ASPH: variants seen among roughly 807,000 people sequenced by gnomAD.
ASPH encodes aspartate beta-hydroxylase, also known as aspartyl/asparaginyl beta-hydroxylase.
A neutral mutation model predicts 118.4 loss-of-function variants in ASPH; 100 were observed. The ratio of observed to expected loss-of-function variants is 0.84; its 90% CI spans 0.72 to 1.00. The LOEUF is 1.00. Ranked by LOEUF, ASPH falls within the 50% of genes least tolerant of loss-of-function variation. The pLI, the probability that ASPH is intolerant of heterozygous loss-of-function variation, is 0.00. For missense variants in ASPH, 920 were observed against 919.5 expected (o/e 1.00, Z -0.01); for synonymous variants, 315 against 325.6 (o/e 0.97, Z 0.35).
chr8:61,625,679 A>C (rs1588264241), intron 13 of ASPH: 1 of 984,912 alleles, frequency 1.0e-6, no homozygotes, highest in Non-Finnish European at 1.2e-6. Flanking sequence ...AGCTACAAAA[A>C]TTTCAAAAGT....
At chr8:61,618,945 A>G in intron 14 of ASPH, 33 bp downstream of exon 14, 1 of 1,541,138 alleles carries the variant, frequency 6.5e-7, no homozygotes. Flanking sequence ...TTCCCCATGT[A>G]TATTTTAAAG....
chr8:61,504,361 C>T (rs1306564769), intron 24 of ASPH, among the ~76,000 whole-genome samples: 2 of 152,130 alleles, frequency 1.3e-5, no homozygotes, highest in Non-Finnish European at 2.9e-5. Context: ...TCCTTAGATA[C>T]TAAAATGCCA....
chr8:61,707,259 A>G (rs1318752329), intron 1 of ASPH, among the ~76,000 whole-genome samples: 3 of 152,162 alleles, frequency 2.0e-5, no homozygotes, highest in African/African-American at 7.2e-5. Flanking sequence ...AAATCTACCT[A>G]TCAATACTAC....
chr8:61,575,301 T>C lies in ASPH; in HGVS notation c.1149+1471A>G, dbSNP rs537483183. On this transcript the variant is annotated intron_variant, in intron 16 of 24. Coordinates refer to ENST00000379454, the MANE Select transcript of ASPH (RefSeq NM_004318.4). ...TACTTTATAATGTTCTTTAAGTACA[T>C]ATTTATTTATAAAGACTTTCAGGGC... Among the ~76,000 whole-genome samples, 3 of 152,362 alleles carry C rather than the reference T, an allele frequency of 2.0e-5. No homozygotes were observed. The South Asian group carries it at 6.2e-4, about 32-fold the overall frequency.
chr8:61,602,532 C>T (rs1401601831), intron 14 of ASPH, among the ~76,000 whole-genome samples: 1 of 151,414 alleles, frequency 6.6e-6, no homozygotes, highest in Non-Finnish European at 1.5e-5. Context: ...CTCCTGCCCC[C>T]AAGATCAAGA....
At chr8:61,677,138 C>T (rs995405993) in intron 3 of ASPH, among the ~76,000 whole-genome samples, 11 of 152,108 alleles carry the variant, frequency 7.2e-5, no homozygotes, top group African/African-American at 2.4e-4. Context: ...AATTCCTCTC[C>T]CCATGGGCCT....
intron 10 of ASPH, 114 bp from the exon 11 acceptor site, chr8:61,638,477 C>CAA: frequency 7.6e-6 from 7 of 922,116 alleles, no homozygotes; most frequent in Non-Finnish European, 1.2e-5. Flanking sequence ...CTGCAAGGTT[C>CAA]AGTCACTGGG....
chr8:61,567,814 C>T (rs1832243767), intron 16 of ASPH, among the ~76,000 whole-genome samples: 6 of 152,174 alleles, frequency 3.9e-5, no homozygotes, highest in Non-Finnish European at 7.3e-5. Flanking sequence ...AATAAAGGTA[C>T]TATGTGTCTA....
At position 61,633,842 on chromosome 8, in the gene ASPH, T is replaced by C. The variant is rs7817439; in HGVS notation, c.890-115A>G. On this transcript the variant is annotated intron_variant, in intron 12 of 24. Coordinates refer to ENST00000379454, the MANE Select transcript of ASPH (RefSeq NM_004318.4). ...TTCATAGATTTTTTAAACAATTCAATTGAAATTTTAATAAAAACATTAGGC... is the reference window on the plus strand; with the variant it reads ...TTCATAGATTTTTTAAACAATTCAACTGAAATTTTAATAAAAACATTAGGC... 611 of 705,272 alleles carry C rather than the reference T, an allele frequency of 8.7e-4. 7 individuals are homozygous for C. In the African/African-American group the frequency reaches 0.01, roughly 12 times the overall value. The allele number at this position is 705,272 out of a possible 1,614,324, so 43.7% of individuals were successfully genotyped here. A position where few individuals can be genotyped will look rare whatever the true frequency, so the allele number is the denominator to read the frequency against.
rs1812178966 is a variant in ASPH at position 61,653,579 on chromosome 8, G to A, written c.404C>T (p.Pro135Leu). The A allele has an allele frequency of 6.2e-7, 1 of 1,613,876 alleles. No homozygotes were observed. The highest frequency in any genetic ancestry group is 1.1e-5 in the South Asian group (1 of 91,056). ...EPHTEPEEQVPVEAEPQNIED... is the reference protein window; with the variant it reads ...EPHTEPEEQVLVEAEPQNIED... ...GAGGACAAGCTTACCTGCCTCCACAGGAACCTGCTCCTCGGGCTCAGTGTG... is the reference window on the plus strand; with the variant it reads ...GAGGACAAGCTTACCTGCCTCCACAAGAACCTGCTCCTCGGGCTCAGTGTG... Residue 135 changes from proline to leucine, a missense_variant, in exon 4 of 25, where the codon CCT (proline) becomes CTT (leucine). Coordinates refer to ENST00000379454, the MANE Select transcript of ASPH (RefSeq NM_004318.4).
intron 1 of ASPH, among the ~76,000 whole-genome samples, chr8:61,709,729 T>A (rs1430073101): frequency 6.6e-6 from 1 of 152,212 alleles, no homozygotes; most frequent in African/African-American, 2.4e-5. Flanking sequence ...AGCTGCATAT[T>A]TTCATGATAT....
rs1437608099 is a variant in ASPH, at chr8:61,581,943, C to T, written c.1062+2001G>A. Among the ~76,000 whole-genome samples the T allele has an allele frequency of 3.9e-5, 6 of 152,146 alleles. No individual in the cohort carries two copies. The South Asian group carries it at 8.3e-4, about 21-fold the overall frequency. On this transcript the variant is annotated intron_variant, in intron 15 of 24. Transcript: ENST00000379454. ...TATACTTTTCTGGGGGGATAAAAAG[C>T]GAACACATACTTTCATGTAACATAG...
intron 1 of ASPH, chr8:61,689,752 A>C: frequency 6.5e-7 from 1 of 1,538,398 alleles, no homozygotes; most frequent in East Asian, 2.4e-5. Context: ...AAAAAACTCA[A>C]AAGTACTGCT....
intron 21 of ASPH, among the ~76,000 whole-genome samples, chr8:61,536,037 CTTTTTTTTTT>C (rs34022613): frequency 7.8e-6 from 1 of 128,410 alleles, no homozygotes; most frequent in East Asian, 2.3e-4. Flanking sequence ...AAACAGGTGA[CTTTTTTTTTT>C]TTTTTTTTTG....
At chr8:61,620,193 C>A (rs1262270164) in intron 13 of ASPH, among the ~76,000 whole-genome samples, 1 of 152,128 alleles carries the variant, frequency 6.6e-6, no homozygotes, top group Non-Finnish European at 1.5e-5. Flanking sequence ...GCGTGCCAGG[C>A]TAAGTGCTAA....
chr8:61,673,894 G>A (rs191189649), intron 3 of ASPH, among the ~76,000 whole-genome samples: 1 of 152,280 alleles, frequency 6.6e-6, no homozygotes, highest in African/African-American at 2.4e-5. Context: ...TCAGCTACCT[G>A]GGTGTCACCT....
In ASPH at chr8:61,584,134, A is replaced by G. The variant is rs993923970; in HGVS notation, c.977-105T>C. 1.4e-4 allele frequency: 98 copies of G among 688,834 alleles called. No individual in the cohort carries two copies. The African/African-American group carries it at 1.6e-3, about 11-fold the overall frequency. 42.7% of individuals were successfully genotyped at this position (688,834 alleles called of 1,614,324 possible). On this transcript the variant is annotated intron_variant, in intron 14 of 24. Transcript: ENST00000379454. ...GGAAACCTGATGCTGGTCTCCACCA[A>G]AGACCTGCAGGAGAAGGCACACTGC...
intron 21 of ASPH, among the ~76,000 whole-genome samples, chr8:61,546,922 C>T (rs1824089691): frequency 1.3e-5 from 2 of 152,180 alleles, no homozygotes; most frequent in South Asian, 4.1e-4. Flanking sequence ...TATTTTGTCA[C>T]TCTTCCTCTT....
intron 3 of ASPH, among the ~76,000 whole-genome samples, chr8:61,662,527 T>A (rs1175489637): frequency 6.6e-6 from 1 of 152,166 alleles, no homozygotes; most frequent in Admixed American, 6.6e-5. Flanking sequence ...GAATAAAAAG[T>A]GTAAAACTGA....
Sources: gnomAD v4.1 joint callset for allele counts (sites outside exome capture counted in the v4.1 genomes callset) on GRCh38, gnomAD v4.1.1 for gene constraint, MANE v1.5 for transcripts, NCBI Gene and HGNC (gene_info 2026-07-23, HGNC 2026-07-21) for gene names.